Variants in PDE4D observed in about 807,000 individuals in gnomAD.
PDE4D encodes the protein phosphodiesterase 4D, also known as 3',5'-cyclic-AMP phosphodiesterase 4D.
PDE4D carries 24 observed loss-of-function variants against 87.4 expected under a neutral mutation model. The ratio of observed to expected loss-of-function variants is 0.27; its 90% CI spans 0.20 to 0.39. PDE4D has a LOEUF of 0.39. Among genes scored for constraint, PDE4D ranks in the 10% least tolerant of loss-of-function variants. The pLI is 1.00. For synonymous variants in PDE4D, 384 were observed against 383.2 expected (o/e 1.00, Z -0.02); for missense variants, 714 against 1,041.0 (o/e 0.69, Z 4.32).
chr5:59,700,409 T>C (rs1007999289), intron 1 of PDE4D, among the ~76,000 whole-genome samples: 2 of 152,076 alleles, frequency 1.3e-5, no homozygotes, highest in Non-Finnish European at 2.9e-5. Flanking sequence ...TTTATTACAA[T>C]CAAAATGGGT....
At chr5:60,198,660 CT>C (rs754460911) in intron 1 of PDE4D, among the ~76,000 whole-genome samples, 2 of 151,566 alleles carry the variant, frequency 1.3e-5, no homozygotes, top group African/African-American at 2.4e-5. Flanking sequence ...ACTTTGTCCC[CT>C]GATATGTCTT....
Position 59,841,983 on chromosome 5 carries a change from G to C in PDE4D, c.455+51185C>G, listed in dbSNP as rs541636743. ...ATAAGTAGGAGCCAGGTAAGAAAAG[G>C]GTTTCCTTTGCCTAGGTGATATGTT... is the stretch of plus-strand genomic sequence containing the variant. On this transcript the variant is annotated intron_variant, in intron 1 of 14. Transcript: ENST00000340635. 3.9e-5 allele frequency among the ~76,000 whole-genome samples: 6 copies of C among 152,088 alleles called. No individual in the cohort carries two copies. In the South Asian group the frequency reaches 1.2e-3, roughly 32 times the overall value.
At chr5:59,333,720 A>G (rs1777145870) in intron 1 of PDE4D, among the ~76,000 whole-genome samples, 1 of 152,168 alleles carries the variant, frequency 6.6e-6, no homozygotes, top group Admixed American at 6.5e-5. Flanking sequence ...CATCCTAAAG[A>G]GTTCTAATTA....
At chr5:60,390,658 A>G (rs1367814363) in intron 1 of PDE4D, among the ~76,000 whole-genome samples, 1 of 152,000 alleles carries the variant, frequency 6.6e-6, no homozygotes, top group Non-Finnish European at 1.5e-5. Context: ...AAAAAAAAAA[A>G]AAAACAAGAA....
chr5:59,816,700 C>T (rs951580737), intron 1 of PDE4D, among the ~76,000 whole-genome samples: 1 of 152,164 alleles, frequency 6.6e-6, no homozygotes, highest in African/African-American at 2.4e-5. Flanking sequence ...GTCTGCTCCA[C>T]ACTCAGAAAG....
intron 1 of PDE4D, among the ~76,000 whole-genome samples, chr5:59,309,078 A>C (rs1377118932): frequency 1.3e-5 from 2 of 151,998 alleles, no homozygotes; most frequent in African/African-American, 4.8e-5. Context: ...CCCAAACCAA[A>C]TGGCTAGTCT....
intron 1 of PDE4D, among the ~76,000 whole-genome samples, chr5:59,266,899 C>A (rs527276273): frequency 3.9e-5 from 6 of 152,024 alleles, no homozygotes; most frequent in Non-Finnish European, 8.8e-5. Flanking sequence ...TTCGACAGAC[C>A]AAGATTTTTC....
At chr5:60,395,015 T>G (rs545232235) in intron 1 of PDE4D, among the ~76,000 whole-genome samples, 1 of 152,304 alleles carries the variant, frequency 6.6e-6, no homozygotes, top group South Asian at 2.1e-4. Context: ...AAGGCTATAC[T>G]AATACTCCTA....
chr5:59,255,337 A>T (rs1760763185), intron 1 of PDE4D, among the ~76,000 whole-genome samples: 1 of 152,156 alleles, frequency 6.6e-6, no homozygotes, highest in Admixed American at 6.6e-5. Flanking sequence ...TTCCATTTAT[A>T]TGAAACATTC....
intron 1 of PDE4D, among the ~76,000 whole-genome samples, chr5:59,807,844 C>A (rs1767915898): frequency 6.6e-6 from 1 of 152,140 alleles, no homozygotes; most frequent in South Asian, 2.1e-4. Flanking sequence ...CAGGCTCCCA[C>A]CTGTATTCTT....
chr5:60,038,222 T>A lies in PDE4D; in HGVS notation c.43-49505A>T, dbSNP rs547598444. On this transcript the variant is annotated intron_variant, in intron 2 of 16. Transcript: ENST00000502484. ...CCCATGCCTATGTCCTGAATGGTAATGTCTAGGTTTTCTTCTAGGGTTTTT... is the reference window on the plus strand; with the variant it reads ...CCCATGCCTATGTCCTGAATGGTAAAGTCTAGGTTTTCTTCTAGGGTTTTT... Among the ~76,000 whole-genome samples, 7 of 152,336 alleles carry A rather than the reference T, an allele frequency of 4.6e-5. No individual in the cohort carries two copies. In the South Asian group the frequency reaches 1.4e-3, roughly 32 times the overall value.
chr5:59,085,234 G>T (rs529809706), intron 5 of PDE4D, among the ~76,000 whole-genome samples: 1 of 152,052 alleles, frequency 6.6e-6, no homozygotes, highest in Non-Finnish European at 1.5e-5. Flanking sequence ...GTTATATAGA[G>T]AATTGTATTT....
intron 1 of PDE4D, among the ~76,000 whole-genome samples, chr5:60,259,442 C>T (rs1027068641): frequency 7.2e-5 from 11 of 151,934 alleles, no homozygotes; most frequent in African/African-American, 1.4e-4. Flanking sequence ...GCAAATTTAT[C>T]GAGACCAAAG....
intron 2 of PDE4D, among the ~76,000 whole-genome samples, chr5:60,010,855 G>A (rs1764956413): frequency 6.6e-6 from 1 of 151,932 alleles, no homozygotes; most frequent in African/African-American, 2.4e-5. Context: ...TCAGTTATTG[G>A]TATTATCTAA....
chr5:60,073,265 T>C (rs1358195171), intron 2 of PDE4D, among the ~76,000 whole-genome samples: 1 of 152,128 alleles, frequency 6.6e-6, no homozygotes, highest in Non-Finnish European at 1.5e-5. Context: ...TCTATTACAA[T>C]AATCATGTGG....
intron 5 of PDE4D, among the ~76,000 whole-genome samples, chr5:59,062,797 G>C (rs865791675): frequency 1.2e-4 from 18 of 151,192 alleles, no homozygotes; most frequent in Admixed American, 2.7e-4. Flanking sequence ...CAGAACAGTG[G>C]CAATGAATAA....
chr5:59,586,555 C>T (rs910549686), intron 1 of PDE4D: 1 of 1,388,440 alleles, frequency 7.2e-7, no homozygotes, highest in Admixed American at 3.2e-5. Flanking sequence ...ATAGCAATTA[C>T]AAAAGGCCTT....
chr5:60,136,546 C>A (rs921422944), intron 2 of PDE4D, among the ~76,000 whole-genome samples: 1 of 152,108 alleles, frequency 6.6e-6, no homozygotes. Context: ...AACTCCTGAC[C>A]TCAAGTGATC....
intron 1 of PDE4D, among the ~76,000 whole-genome samples, chr5:60,238,231 T>A (rs534120588): frequency 4.6e-5 from 7 of 152,172 alleles, no homozygotes; most frequent in African/African-American, 1.7e-4. Flanking sequence ...ATGTATCTCA[T>A]GGAATTTATA....
Sources: allele counts gnomAD v4.1 joint callset (sites outside exome capture counted in the v4.1 genomes callset), GRCh38; gene constraint gnomAD v4.1.1; transcripts MANE v1.5; gene names NCBI Gene and HGNC (gene_info 2026-07-23, HGNC 2026-07-21).